JARID2: variants seen among roughly 807,000 people sequenced by gnomAD.
JARID2 encodes the protein protein Jumonji.
Under a neutral mutation model 125.6 loss-of-function variants are expected in JARID2, and 21 were observed. The observed-to-expected ratio is 0.17, with a 90% confidence interval of 0.12 to 0.24. The LOEUF (loss-of-function observed/expected upper bound fraction) is 0.24, where lower values mean the gene tolerates loss of function less well. Ranked by LOEUF, JARID2 falls within the 10% of genes least tolerant of loss-of-function variation. The pLI, the probability that JARID2 is intolerant of heterozygous loss-of-function variation, is 1.00. For missense variants in JARID2, 1,303 were observed against 1,639.6 expected (o/e 0.79, Z 3.55); for synonymous variants, 736 against 661.6 (o/e 1.11, Z -1.73).
chr6:15,323,844 C>T (rs570811580), intron 1 of JARID2, among the ~76,000 whole-genome samples: 8 of 151,398 alleles, frequency 5.3e-5, no homozygotes, highest in African/African-American at 1.2e-4. Context: ...GTGAGCTGAT[C>T]GCGCCACTGT....
chr6:15,520,817 G>T lies in JARID2; in HGVS notation c.*566G>T. ...TTTGTTTCTCTGGGCGGTTGTGGCA[G>T]CTGAAGGCGGACGTTGTTTCCTAAC... On this transcript the variant is annotated 3_prime_UTR_variant, in exon 18 of 18. Coordinates refer to ENST00000341776, the MANE Select transcript of JARID2 (RefSeq NM_004973.4). 1 of 456,002 alleles carries T rather than the reference G, an allele frequency of 2.2e-6. No individual in the cohort carries two copies. Among genetic ancestry groups the T allele is most frequent in the Non-Finnish European group, 4.4e-6 (1 of 226,754 alleles). The allele number at this position is 456,002 out of a possible 1,614,324, so 28.2% of individuals were successfully genotyped here.
intron 1 of JARID2, among the ~76,000 whole-genome samples, chr6:15,276,165 G>C (rs1760492893): frequency 6.6e-6 from 1 of 152,174 alleles, no homozygotes. Context: ...AGCTGCCTAA[G>C]TTGACTAAAG....
At chr6:15,510,563 A>G (rs530604704) in intron 12 of JARID2, among the ~76,000 whole-genome samples, 1 of 152,232 alleles carries the variant, frequency 6.6e-6, no homozygotes, top group African/African-American at 2.4e-5. Context: ...TCTGTGAGCC[A>G]CCACTTCCCC....
intron 3 of JARID2, among the ~76,000 whole-genome samples, chr6:15,447,759 T>G (rs955138220): frequency 1.3e-5 from 2 of 152,252 alleles, no homozygotes; most frequent in African/African-American, 2.4e-5. Flanking sequence ...CCTGGAGGGC[T>G]GAGGCCCCAC....
chr6:15,427,468 AG>A (rs1322004656), intron 3 of JARID2, among the ~76,000 whole-genome samples: 1 of 151,684 alleles, frequency 6.6e-6, no homozygotes. Flanking sequence ...ATCAGATTGC[AG>A]GGATATCACT....
chr6:15,441,937 G>A (rs1340995576), intron 3 of JARID2, among the ~76,000 whole-genome samples: 3 of 151,916 alleles, frequency 2.0e-5, no homozygotes, highest in South Asian at 2.1e-4. Flanking sequence ...GATTACAGGC[G>A]CCTGCTACCA....
intron 11 of JARID2, 69 bp downstream of exon 11, chr6:15,507,485 C>A: frequency 3.0e-6 from 4 of 1,341,598 alleles, no homozygotes; most frequent in Admixed American, 1.7e-5. Context: ...AGAACCAGGG[C>A]TGGGAAATCC....
At chr6:15,448,384 G>A (rs376484668) in intron 3 of JARID2, among the ~76,000 whole-genome samples, 2 of 152,198 alleles carry the variant, frequency 1.3e-5, no homozygotes, top group East Asian at 1.9e-4. Flanking sequence ...TCTGTGCTTC[G>A]TCTGTGTTTA....
At chr6:15,289,605 C>G (rs1276366068) in intron 1 of JARID2, among the ~76,000 whole-genome samples, 1 of 151,980 alleles carries the variant, frequency 6.6e-6, no homozygotes, top group African/African-American at 2.4e-5. Flanking sequence ...ATCTGTAATC[C>G]CAGCACTTTG....
intron 14 of JARID2, 92 bp from the exon 15 acceptor site, chr6:15,512,823 C>A: frequency 7.9e-7 from 1 of 1,262,440 alleles, no homozygotes; most frequent in Admixed American, 2.2e-5. Context: ...TTTAGAAATT[C>A]AGACAGCCTG....
chr6:15,256,430 CTG>C (rs1310655700), intron 1 of JARID2, among the ~76,000 whole-genome samples: 1 of 152,184 alleles, frequency 6.6e-6, no homozygotes, highest in East Asian at 1.9e-4. Context: ...GGCACTGAAT[CTG>C]TGCACGAAGA....
chr6:15,368,142 T>C (rs921758911), intron 1 of JARID2, among the ~76,000 whole-genome samples: 1 of 152,254 alleles, frequency 6.6e-6, no homozygotes, highest in African/African-American at 2.4e-5. Flanking sequence ...CCTTTTTGTC[T>C]TGTAAAGCAG....
intron 1 of JARID2, among the ~76,000 whole-genome samples, chr6:15,365,699 C>T (rs1184283629): frequency 6.6e-6 from 1 of 151,852 alleles, no homozygotes; most frequent in Non-Finnish European, 1.5e-5. Context: ...TAAAACTCTC[C>T]TTGCAGAAGC....
chr6:15,488,312 G>A (rs140148493), intron 6 of JARID2, among the ~76,000 whole-genome samples: 81 of 152,374 alleles, frequency 5.3e-4, no homozygotes, highest in African/African-American at 1.9e-3. Context: ...GATAAGGGCA[G>A]GTTCCTGCAG....
At chr6:15,394,451 T>A (rs1308025289) in intron 2 of JARID2, among the ~76,000 whole-genome samples, 1 of 152,016 alleles carries the variant, frequency 6.6e-6, no homozygotes, top group Non-Finnish European at 1.5e-5. Context: ...ATATAAAAAA[T>A]TAGCTGGGTG....
intron 3 of JARID2, among the ~76,000 whole-genome samples, chr6:15,418,054 C>T (rs1171063706): frequency 6.6e-6 from 1 of 152,094 alleles, no homozygotes; most frequent in African/African-American, 2.4e-5. Context: ...ATTTCCTCTG[C>T]CGAGCTTGGT....
At chr6:15,260,518 G>A (rs1460833655) in intron 1 of JARID2, among the ~76,000 whole-genome samples, 1 of 152,174 alleles carries the variant, frequency 6.6e-6, no homozygotes, top group East Asian at 1.9e-4. Flanking sequence ...CATGGGCCAA[G>A]TCTCATAGTT....
intron 1 of JARID2, among the ~76,000 whole-genome samples, chr6:15,250,233 C>G (rs1759390208): frequency 6.6e-6 from 1 of 152,072 alleles, no homozygotes; most frequent in South Asian, 2.1e-4. Context: ...TTGTTATAAG[C>G]TTCAAAAGGA....
intron 1 of JARID2, among the ~76,000 whole-genome samples, chr6:15,324,948 G>C (rs910677132): frequency 6.6e-6 from 1 of 151,944 alleles, no homozygotes; most frequent in African/African-American, 2.4e-5. Context: ...GCCCTGAAAG[G>C]AATAAAGTAA....
Sources: gnomAD v4.1 joint callset for allele counts (sites outside exome capture counted in the v4.1 genomes callset) on GRCh38, gnomAD v4.1.1 for gene constraint, MANE v1.5 for transcripts, NCBI Gene and HGNC (gene_info 2026-07-23, HGNC 2026-07-21) for gene names.